Variants in CNTNAP2 observed in about 807,000 individuals in gnomAD.
The protein encoded by CNTNAP2 is contactin-associated protein-like 2.
Under a neutral mutation model 155.2 loss-of-function variants are expected in CNTNAP2, and 98 were observed. The observed-to-expected ratio is 0.63, with a 90% CI of 0.54 to 0.75. The LOEUF (loss-of-function observed/expected upper bound fraction) is 0.75, where lower values mean the gene tolerates loss of function less well. Ranked by LOEUF, CNTNAP2 falls within the 30% of genes least tolerant of loss-of-function variation. The pLI, the probability that CNTNAP2 is intolerant of heterozygous loss-of-function variation, is 0.00. For missense variants in CNTNAP2, 1,727 were observed against 1,688.1 expected, an observed-to-expected ratio of 1.02 and a Z score of -0.40; for synonymous variants, 651 against 631.2, an observed-to-expected ratio of 1.03 and a Z score of -0.47.
chr7:146,590,819 C>A (rs990273768), intron 1 of CNTNAP2, among the ~76,000 whole-genome samples: 1 of 152,170 alleles, frequency 6.6e-6, no homozygotes, highest in Non-Finnish European at 1.5e-5. Flanking sequence ...GAAAGCTTGC[C>A]ATTCTTGATT....
At chr7:146,990,316 A>G (rs761061120) in intron 3 of CNTNAP2, among the ~76,000 whole-genome samples, 3 of 152,204 alleles carry the variant, frequency 2.0e-5, no homozygotes, top group Non-Finnish European at 4.4e-5. Flanking sequence ...AGAATGTTTT[A>G]CAAAACTTGG....
chr7:147,165,170 T>C (rs1301573057), intron 8 of CNTNAP2, among the ~76,000 whole-genome samples: 1 of 151,780 alleles, frequency 6.6e-6, no homozygotes, highest in African/African-American at 2.4e-5. Context: ...ATTTTTTGAT[T>C]TTTTTTTCTT....
At chr7:146,548,066 T>C (rs1798056582) in intron 1 of CNTNAP2, among the ~76,000 whole-genome samples, 1 of 151,866 alleles carries the variant, frequency 6.6e-6, no homozygotes, top group Admixed American at 6.6e-5. Flanking sequence ...ATCACTCAGG[T>C]ATTAAACCTG....
chr7:147,255,881 G>T (rs1293271627), intron 8 of CNTNAP2, among the ~76,000 whole-genome samples: 2 of 151,988 alleles, frequency 1.3e-5, no homozygotes, highest in Non-Finnish European at 2.9e-5. Context: ...AAGATTACAG[G>T]TGCACACCAC....
intron 13 of CNTNAP2, among the ~76,000 whole-genome samples, chr7:147,789,080 T>C (rs1797781479): frequency 2.0e-5 from 3 of 151,722 alleles, no homozygotes; most frequent in African/African-American, 7.3e-5. Flanking sequence ...AATTTTTTTA[T>C]ATTTTTAGTA....
intron 1 of CNTNAP2, among the ~76,000 whole-genome samples, chr7:146,402,259 C>T (rs958790137): frequency 6.6e-6 from 1 of 152,114 alleles, no homozygotes; most frequent in Non-Finnish European, 1.5e-5. Flanking sequence ...GCACCATCAA[C>T]GTGTGAATTC....
chr7:146,245,767 C>T (rs2539743), intron 1 of CNTNAP2, among the ~76,000 whole-genome samples: 28,467 of 151,860 alleles, frequency 0.19, 3,366 homozygotes, highest in African/African-American at 0.32. Flanking sequence ...CAGTACAGCC[C>T]AGGTAATTTG....
At chr7:148,405,409 T>C (rs1383209705) in intron 22 of CNTNAP2, among the ~76,000 whole-genome samples, 2 of 147,490 alleles carry the variant, frequency 1.4e-5, no homozygotes, top group Non-Finnish European at 3.0e-5. Context: ...GGGAACCAGA[T>C]TACCATTGTA....
At chr7:147,484,770 C>G (rs1239334332) in intron 10 of CNTNAP2, among the ~76,000 whole-genome samples, 1 of 152,178 alleles carries the variant, frequency 6.6e-6, no homozygotes, top group Non-Finnish European at 1.5e-5. Context: ...GATTTTGTAG[C>G]AGGGAGCTGC....
chr7:146,864,574 G>A (rs1795165970), intron 3 of CNTNAP2, among the ~76,000 whole-genome samples: 1 of 152,136 alleles, frequency 6.6e-6, no homozygotes, highest in African/African-American at 2.4e-5. Context: ...TCTAGCCAAT[G>A]CAGTAAGAAA....
At chr7:148,069,796 G>A (rs1449987839) in intron 15 of CNTNAP2, among the ~76,000 whole-genome samples, 4 of 151,698 alleles carry the variant, frequency 2.6e-5, no homozygotes, top group Admixed American at 1.3e-4. Context: ...AAAGAATGGG[G>A]AGGGGACATA....
Position 146,554,231 on chromosome 7 carries a change from A to C in CNTNAP2, c.98-220040A>C, listed in dbSNP as rs993679316. On this transcript the variant is annotated intron_variant, in intron 1 of 23. Coordinates refer to ENST00000361727, the MANE Select transcript of CNTNAP2 (RefSeq NM_014141.6). ...CTCTGCCAGTGCTTTAACTTGAACT[A>C]GTGAGATCTGAAGCCCCTAAAAAAA... Among the ~76,000 whole-genome samples the C allele has an allele frequency of 2.6e-5, 4 of 152,264 alleles. No individual in the cohort carries two copies. In the East Asian group the frequency reaches 7.7e-4, roughly 29 times the overall value.
rs572849672 is a variant in CNTNAP2 at position 146,907,319 on chromosome 7, G to A, written c.402+67415G>A. 4.1e-3 allele frequency among the ~76,000 whole-genome samples: 594 copies of A among 144,282 alleles called. 4 individuals are homozygous for A. Among genetic ancestry groups the A allele is most frequent in the African/African-American group, 0.015 (554 of 38,166 alleles). The allele number at this position is 144,282 out of a possible 152,430, so 94.7% of individuals were successfully genotyped here. A position where few individuals can be genotyped will look rare whatever the true frequency, so the allele number is the denominator to read the frequency against. On this transcript the variant is annotated intron_variant, in intron 3 of 23. Transcript: ENST00000361727. Reference sequence around the variant, plus strand: ...AGAGAACGCCACAAAGATACTCCTCGAGAAGAGCAACTCCAAGACACATAA... The same window carrying A: ...AGAGAACGCCACAAAGATACTCCTCAAGAAGAGCAACTCCAAGACACATAA...
chr7:148,167,446 A>T (rs1805689591), intron 17 of CNTNAP2, among the ~76,000 whole-genome samples: 1 of 152,150 alleles, frequency 6.6e-6, no homozygotes, highest in African/African-American at 2.4e-5. Flanking sequence ...TAATGAACAC[A>T]ACAAATACAA....
At chr7:147,471,781 T>G (rs1798219757) in intron 10 of CNTNAP2, among the ~76,000 whole-genome samples, 1 of 152,162 alleles carries the variant, frequency 6.6e-6, no homozygotes, top group Non-Finnish European at 1.5e-5. Context: ...TCATGGAAAT[T>G]ACAGGTCAGT....
chr7:148,391,605 G>T (rs952290543), intron 22 of CNTNAP2, among the ~76,000 whole-genome samples: 3 of 152,136 alleles, frequency 2.0e-5, no homozygotes, highest in African/African-American at 7.2e-5. Context: ...GTAACCCCCA[G>T]CCCTGAGTTA....
rs17170301 is a variant in CNTNAP2 at position 146,990,463 on chromosome 7, C to T, written c.403-53444C>T. Among the ~76,000 whole-genome samples, 536 of 152,154 alleles carry T rather than the reference C, an allele frequency of 3.5e-3. 5 individuals are homozygous for T. Among genetic ancestry groups the T allele is most frequent in the African/African-American group, 0.012 (494 of 41,526 alleles). ...CTTTAACCTTCTTTCTCAATTTATA[C>T]CTTGTTTACCACTAAAAATAGACAC... On this transcript the variant is annotated intron_variant, in intron 3 of 23. Coordinates refer to ENST00000361727, the MANE Select transcript of CNTNAP2 (RefSeq NM_014141.6).
intron 10 of CNTNAP2, among the ~76,000 whole-genome samples, chr7:147,439,275 G>GGTAT (rs1400506697): frequency 6.6e-6 from 1 of 151,724 alleles, no homozygotes; most frequent in African/African-American, 2.4e-5. Context: ...CATAGGTTTT[G>GGTAT]GTATGTTGTG....
chr7:146,244,153 C>T (rs1255323939), intron 1 of CNTNAP2, among the ~76,000 whole-genome samples: 1 of 152,162 alleles, frequency 6.6e-6, no homozygotes, highest in Non-Finnish European at 1.5e-5. Context: ...ATTGGGACGA[C>T]TCAGGACATC....
Sources: allele counts gnomAD v4.1 joint callset (sites outside exome capture counted in the v4.1 genomes callset), GRCh38; gene constraint gnomAD v4.1.1; transcripts MANE v1.5; gene names NCBI Gene and HGNC (gene_info 2026-07-23, HGNC 2026-07-21).